IGFL2: variants seen among roughly 807,000 people sequenced by gnomAD.
IGFL2 encodes insulin growth factor-like family member 2.
IGFL2 carries 7 observed loss-of-function variants against 13.9 expected under a neutral mutation model. The observed-to-expected ratio is 0.51, with a 90% CI of 0.29 to 0.95. The LOEUF is 0.95. Ranked by LOEUF, IGFL2 falls within the 40% of genes least tolerant of loss-of-function variation. The probability of loss-of-function intolerance (pLI) is 0.08; values close to 1 mark genes in which losing one functional copy is unlikely to be tolerated. For synonymous variants in IGFL2, 55 were observed against 55.8 expected (o/e 0.99, Z 0.07); for missense variants, 138 against 147.8 (o/e 0.93, Z 0.34).
the IGFL2 span, among the ~76,000 whole-genome samples, chr19:46,105,905 AG>A: frequency 2.0e-5 from 3 of 152,110 alleles, no homozygotes; most frequent in Admixed American, 6.6e-5. Context: ...TGTAATGAAA[AG>A]GGTTGGGATG....
chr19:46,101,289 T>G, the IGFL2 span, among the ~76,000 whole-genome samples: 1 of 152,322 alleles, frequency 6.6e-6, no homozygotes. Flanking sequence ...AACCCACTCA[T>G]CTGGGCTGCC....
the IGFL2 span, among the ~76,000 whole-genome samples, chr19:46,135,597 G>A: frequency 6.6e-6 from 1 of 152,210 alleles, no homozygotes; most frequent in African/African-American, 2.4e-5. Flanking sequence ...CAGTGAGGGA[G>A]GTAGGACCTC....
At chr19:46,192,699 G>A in the IGFL2 span, among the ~76,000 whole-genome samples, 1 of 152,088 alleles carries the variant, frequency 6.6e-6, no homozygotes, top group Admixed American at 6.6e-5. Flanking sequence ...GATTACAGGT[G>A]TGAGCCACTG....
At chr19:46,097,696 TG>T in the IGFL2 span, among the ~76,000 whole-genome samples, 1 of 152,260 alleles carries the variant, frequency 6.6e-6, no homozygotes, top group Admixed American at 6.5e-5. Flanking sequence ...CCAGAGATTC[TG>T]GTACATTGTC....
At chr19:46,201,968 G>A in the IGFL2 span, among the ~76,000 whole-genome samples, 2 of 152,138 alleles carry the variant, frequency 1.3e-5, no homozygotes, top group Admixed American at 6.5e-5. Context: ...GGTTGTGAGT[G>A]GGGGAGGCGA....
the IGFL2 span, among the ~76,000 whole-genome samples, chr19:46,082,453 A>AAC: frequency 6.6e-6 from 1 of 152,170 alleles, no homozygotes; most frequent in African/African-American, 2.4e-5. Flanking sequence ...GTGCATACTA[A>AAC]ACCTCTGAAC....
At chr19:46,109,516 C>G in the IGFL2 span, among the ~76,000 whole-genome samples, 4 of 152,074 alleles carry the variant, frequency 2.6e-5, no homozygotes, top group South Asian at 4.1e-4. Flanking sequence ...TGGGGTTTCA[C>G]CATGTTAGCC....
chr19:46,187,444 G>A, the IGFL2 span, among the ~76,000 whole-genome samples: 1 of 146,498 alleles, frequency 6.8e-6, no homozygotes, highest in African/African-American at 2.6e-5. Flanking sequence ...TGCTGCTGGT[G>A]TGTGCTACCT....
the IGFL2 span, among the ~76,000 whole-genome samples, chr19:46,115,170 C>A: frequency 1.3e-5 from 2 of 152,064 alleles, no homozygotes; most frequent in Non-Finnish European, 2.9e-5. Flanking sequence ...ACCTAACTAT[C>A]CCCACTTGTG....
the IGFL2 span, among the ~76,000 whole-genome samples, chr19:46,094,625 A>G: frequency 2.6e-5 from 4 of 151,920 alleles, no homozygotes; most frequent in South Asian, 8.3e-4. Flanking sequence ...CTATCAACCC[A>G]TCACCTAGTA....
At chr19:46,120,190 G>A in the IGFL2 span, 8 of 1,226,548 alleles carry the variant, frequency 6.5e-6, no homozygotes, top group Non-Finnish European at 8.8e-6. Flanking sequence ...CCCCAGCTGG[G>A]CTCCTCTCCA....
chr19:46,186,434 C>T, the IGFL2 span, among the ~76,000 whole-genome samples: 1 of 152,198 alleles, frequency 6.6e-6, no homozygotes, highest in South Asian at 2.1e-4. Flanking sequence ...GTGGCAGGCT[C>T]TTATCGGTGT....
chr19:46,093,822 CAATTT>C, the IGFL2 span, among the ~76,000 whole-genome samples: 1 of 151,942 alleles, frequency 6.6e-6, no homozygotes, highest in Non-Finnish European at 1.5e-5. Context: ...AAATTAAAAG[CAATTT>C]AAAATTGTAT....
At chr19:46,115,790 A>T in the IGFL2 span, among the ~76,000 whole-genome samples, 1 of 152,216 alleles carries the variant, frequency 6.6e-6, no homozygotes, top group African/African-American at 2.4e-5. Flanking sequence ...AGCGACAGGG[A>T]TAAATGAATG....
chr19:46,119,321 C>T, the IGFL2 span, among the ~76,000 whole-genome samples: 2 of 152,248 alleles, frequency 1.3e-5, no homozygotes, highest in East Asian at 3.9e-4. Flanking sequence ...GGCTTGGGTC[C>T]CAGTGAGCTG....
At chr19:46,208,524 T>A in the IGFL2 span, 1 of 152,340 alleles carries the variant, frequency 6.6e-6, no homozygotes, top group South Asian at 2.1e-4. Flanking sequence ...AGGCAGTTCC[T>A]CCTTACTCAG....
At chr19:46,151,656 T>G (rs756775157) in intron 1 of IGFL2, among the ~76,000 whole-genome samples, 12 of 152,234 alleles carry the variant, frequency 7.9e-5, no homozygotes, top group Non-Finnish European at 1.6e-4. Context: ...ATGCCTGTAA[T>G]CCCAGCACTT....
chr19:46,103,892 G>A, the IGFL2 span, among the ~76,000 whole-genome samples: 64 of 152,176 alleles, frequency 4.2e-4, 1 homozygote, highest in African/African-American at 1.4e-3. Context: ...GAGAGATCAG[G>A]CTGTCTGTCT....
At chr19:46,155,902 T>C (rs1973796883) in intron 1 of IGFL2, among the ~76,000 whole-genome samples, 1 of 152,228 alleles carries the variant, frequency 6.6e-6, no homozygotes, top group Non-Finnish European at 1.5e-5. Context: ...CTTCCTGATC[T>C]GTTAGGGTAA....
Sources: gnomAD v4.1 joint callset for allele counts (sites outside exome capture counted in the v4.1 genomes callset) on GRCh38, gnomAD v4.1.1 for gene constraint, MANE v1.5 for transcripts, NCBI Gene and HGNC (gene_info 2026-07-23, HGNC 2026-07-21) for gene names.